Variants in CLDN16 observed in about 807,000 individuals in gnomAD.
CLDN16 encodes claudin-16.
Under a neutral mutation model 24.6 loss-of-function variants are expected in CLDN16, and 13 were observed. The observed-to-expected ratio is 0.53, with a 90% CI of 0.34 to 0.84. The LOEUF (loss-of-function observed/expected upper bound fraction) is 0.84, where lower values mean the gene tolerates loss of function less well. Ranked by LOEUF, CLDN16 falls within the 40% of genes least tolerant of loss-of-function variation. The pLI, the probability that CLDN16 is intolerant of heterozygous loss-of-function variation, is 0.01. For synonymous variants in CLDN16, 116 were observed against 106.7 expected, an observed-to-expected ratio of 1.09 and a Z score of -0.54; for missense variants, 298 against 292.7, an observed-to-expected ratio of 1.02 and a Z score of -0.13.
At chr3:190,325,350 C>G (rs1717038828) in intron 1 of CLDN16, among the ~76,000 whole-genome samples, 1 of 152,038 alleles carries the variant, frequency 6.6e-6, no homozygotes, top group African/African-American at 2.4e-5. Flanking sequence ...TTTGGAAGAG[C>G]TTAGACATAC....
chr3:190,309,249 A>G, the CLDN16 span, among the ~76,000 whole-genome samples: 3 of 152,188 alleles, frequency 2.0e-5, no homozygotes, highest in Admixed American at 2.0e-4. Flanking sequence ...GCAATTTATA[A>G]AGTGCTTTCC....
At chr3:190,359,322 A>G (rs1364487976) in intron 1 of CLDN16, among the ~76,000 whole-genome samples, 3 of 152,022 alleles carry the variant, frequency 2.0e-5, no homozygotes, top group Non-Finnish European at 4.4e-5. Context: ...AGGACTTCCA[A>G]ATTTGACTCT....
chr3:190,290,524 A>T, the CLDN16 span, among the ~76,000 whole-genome samples: 1 of 152,148 alleles, frequency 6.6e-6, no homozygotes, highest in African/African-American at 2.4e-5. Context: ...ACTCTTTCAT[A>T]CCTCACCATT....
the CLDN16 span, among the ~76,000 whole-genome samples, chr3:190,297,508 AT>A: frequency 7.0e-6 from 1 of 143,192 alleles, no homozygotes; most frequent in Non-Finnish European, 1.5e-5. Flanking sequence ...TTATATCTAT[AT>A]ATAGATATGT....
At chr3:190,311,093 A>C in the CLDN16 span, among the ~76,000 whole-genome samples, 10 of 152,344 alleles carry the variant, frequency 6.6e-5, no homozygotes, top group East Asian at 1.7e-3. Flanking sequence ...GCCTCTAGAC[A>C]TGACAGAAAA....
chr3:190,315,120 T>C, the CLDN16 span, among the ~76,000 whole-genome samples: 1 of 152,132 alleles, frequency 6.6e-6, no homozygotes, highest in Non-Finnish European at 1.5e-5. Context: ...AAATAACAAA[T>C]AAAATAACTA....
At chr3:190,297,966 C>T in the CLDN16 span, among the ~76,000 whole-genome samples, 4 of 151,720 alleles carry the variant, frequency 2.6e-5, no homozygotes, top group Non-Finnish European at 4.4e-5. Flanking sequence ...TGGACAGCAA[C>T]GTGGCCATCC....
At chr3:190,353,900 T>C (rs974454515) in intron 1 of CLDN16, among the ~76,000 whole-genome samples, 1 of 152,048 alleles carries the variant, frequency 6.6e-6, no homozygotes. Flanking sequence ...TTTAAAGGAA[T>C]GGAAATTTGT....
At chr3:190,403,453 G>A (rs1045895198) in intron 2 of CLDN16, among the ~76,000 whole-genome samples, 1 of 152,140 alleles carries the variant, frequency 6.6e-6, no homozygotes, top group Non-Finnish European at 1.5e-5. Flanking sequence ...CTTCTCCATA[G>A]TGTTTATTTG....
At chr3:190,313,130 GA>G in the CLDN16 span, 1 of 1,440,698 alleles carries the variant, frequency 6.9e-7, no homozygotes, top group South Asian at 1.2e-5. Flanking sequence ...TTGTATGGAA[GA>G]GAGAAAACTG....
chr3:190,309,496 T>C, the CLDN16 span, among the ~76,000 whole-genome samples: 1 of 152,226 alleles, frequency 6.6e-6, no homozygotes, highest in Non-Finnish European at 1.5e-5. Flanking sequence ...ACATCCTGAC[T>C]GAATGTAGTT....
the CLDN16 span, among the ~76,000 whole-genome samples, chr3:190,311,757 T>C: frequency 6.6e-6 from 1 of 151,492 alleles, no homozygotes; most frequent in African/African-American, 2.4e-5. Flanking sequence ...AAGATATATA[T>C]ATACACACAG....
At chr3:190,391,531 CTCA>C (rs1311131084) in intron 1 of CLDN16, among the ~76,000 whole-genome samples, 1 of 152,068 alleles carries the variant, frequency 6.6e-6, no homozygotes, top group Non-Finnish European at 1.5e-5. Context: ...CGAAGCAGGT[CTCA>C]TGAAAGAAAA....
At chr3:190,371,653 A>G (rs151255616) in intron 2 of CLDN16, among the ~76,000 whole-genome samples, 126 of 152,068 alleles carry the variant, frequency 8.3e-4, no homozygotes, top group African/African-American at 2.7e-3. Flanking sequence ...ATTTTTGTCT[A>G]TTTATTCACT....
intron 1 of CLDN16, among the ~76,000 whole-genome samples, chr3:190,359,895 A>G (rs925042871): frequency 6.6e-6 from 1 of 152,026 alleles, no homozygotes; most frequent in Non-Finnish European, 1.5e-5. Flanking sequence ...AGGAGCTATG[A>G]GGCTCGATGT....
At chr3:190,406,804 T>C (rs1009582501) in intron 3 of CLDN16, among the ~76,000 whole-genome samples, 1 of 145,910 alleles carries the variant, frequency 6.9e-6, no homozygotes, top group Admixed American at 7.1e-5. Context: ...TGCAGTGGCG[T>C]GATCTCGGCT....
At chr3:190,295,117 A>G in the CLDN16 span, among the ~76,000 whole-genome samples, 1 of 152,188 alleles carries the variant, frequency 6.6e-6, no homozygotes, top group Non-Finnish European at 1.5e-5. Context: ...TATTTAATGA[A>G]TATAAGTTAT....
intron 1 of CLDN16, among the ~76,000 whole-genome samples, chr3:190,334,934 T>A (rs1269537428): frequency 6.6e-6 from 1 of 152,170 alleles, no homozygotes; most frequent in African/African-American, 2.4e-5. Flanking sequence ...CAATTTGTAC[T>A]CCAGAGCTCG....
At chr3:190,321,997 C>CA, upstream of CLDN16, 1 of 1,614,156 alleles carries the variant, frequency 6.2e-7, no homozygotes, top group Non-Finnish European at 8.5e-7. Context: ...TCAGATTCAG[C>CA]AAGGAGTCAA....
Sources: allele counts gnomAD v4.1 joint callset (sites outside exome capture counted in the v4.1 genomes callset), GRCh38; gene constraint gnomAD v4.1.1; transcripts MANE v1.5; gene names NCBI Gene and HGNC (gene_info 2026-07-23, HGNC 2026-07-21).